EIF3J: variants seen among roughly 807,000 people sequenced by gnomAD.
EIF3J encodes the protein eukaryotic translation initiation factor 3, subunit 1 (alpha, 35kD).
A neutral mutation model predicts 39.0 loss-of-function variants in EIF3J; 15 were observed. That is an observed-to-expected ratio of 0.38 (90% CI 0.26 to 0.59). The LOEUF (loss-of-function observed/expected upper bound fraction) is 0.59. EIF3J is among the 20% of genes least tolerant of loss of function. The pLI is 0.60. For missense variants in EIF3J, 226 were observed against 308.6 expected (o/e 0.73, Z 2.00); for synonymous variants, 98 against 112.9 (o/e 0.87, Z 0.84).
At chr15:44,548,298 C>G (rs901629770) in intron 2 of EIF3J, among the ~76,000 whole-genome samples, 3 of 152,058 alleles carry the variant, frequency 2.0e-5, no homozygotes, top group African/African-American at 7.2e-5. Flanking sequence ...ACCTGTAATC[C>G]CAGCTACTCC....
At chr15:44,544,703 T>TAAAAA (rs34101594) in intron 2 of EIF3J, among the ~76,000 whole-genome samples, 1 of 85,428 alleles carries the variant, frequency 1.2e-5, no homozygotes, top group African/African-American at 5.0e-5. Flanking sequence ...AAACTCCATT[T>TAAAAA]AAAAAAAAAA....
At chr15:44,551,124 A>T (rs1476346672) in intron 3 of EIF3J, among the ~76,000 whole-genome samples, 194 bp downstream of exon 3, 1 of 152,204 alleles carries the variant, frequency 6.6e-6, no homozygotes, top group African/African-American at 2.4e-5. Flanking sequence ...CAGATTAGAT[A>T]CTTGCTGTAT....
In EIF3J at chr15:44,554,127, AAC is replaced by A. The variant is rs1347333179; in HGVS notation, c.295-423_295-422del. On this transcript the variant is annotated intron_variant, in intron 4 of 7. Transcript: ENST00000261868. Reference sequence around the variant, plus strand: ...CGCAGTGGCTCACACCTGTAATCCCAACACTTTGGGAGGCTGAGATGGGCGGA... The same window carrying A: ...CGCAGTGGCTCACACCTGTAATCCCAACTTTGGGAGGCTGAGATGGGCGGA... Among the ~76,000 whole-genome samples, 4 of 152,134 alleles carry A rather than the reference AAC, an allele frequency of 2.6e-5. No homozygotes were observed. In the East Asian group the frequency reaches 7.7e-4, roughly 29 times the overall value.
At chr15:44,554,449 T>C (rs969784835) in intron 4 of EIF3J, 104 bp from the exon 5 acceptor site, 16 of 499,118 alleles carry the variant, frequency 3.2e-5, no homozygotes, top group Non-Finnish European at 5.6e-5. Context: ...AGTGTTCACT[T>C]TTATTTGTTA....
chr15:44,553,493 A>G (rs1003198000), intron 4 of EIF3J, among the ~76,000 whole-genome samples: 1 of 149,238 alleles, frequency 6.7e-6, no homozygotes, highest in African/African-American at 2.4e-5. Flanking sequence ...CTCCATCTCA[A>G]AAAAAAAAAA....
At chr15:44,554,340 G>A (rs2082125907) in intron 4 of EIF3J, among the ~76,000 whole-genome samples, 1 of 142,234 alleles carries the variant, frequency 7.0e-6, no homozygotes, top group Non-Finnish European at 1.5e-5. Flanking sequence ...TCATGCCACT[G>A]TGCTCCAGCC....
intron 2 of EIF3J, 138 bp downstream of exon 2, chr15:44,537,565 C>T (rs989394982): frequency 1.2e-5 from 11 of 895,516 alleles, no homozygotes; most frequent in South Asian, 2.2e-5. Context: ...TGCTCTCTTC[C>T]CCTCCGCTTG....
At chr15:44,553,481 G>T (rs2082118166) in intron 4 of EIF3J, among the ~76,000 whole-genome samples, 1 of 149,814 alleles carries the variant, frequency 6.7e-6, no homozygotes, top group South Asian at 2.1e-4. Context: ...GACAGAGCGA[G>T]ACTCCATCTC....
chr15:44,552,099 G>A (rs1445771847), intron 4 of EIF3J, among the ~76,000 whole-genome samples: 1 of 152,030 alleles, frequency 6.6e-6, no homozygotes, highest in Non-Finnish European at 1.5e-5. Flanking sequence ...GGGATTACAG[G>A]TGTGAGCCAC....
chr15:44,539,314 C>A (rs1334407180), intron 2 of EIF3J, among the ~76,000 whole-genome samples: 1 of 152,032 alleles, frequency 6.6e-6, no homozygotes, highest in Non-Finnish European at 1.5e-5. Flanking sequence ...GCGTGAGCTA[C>A]CGTACCCAGC....
At chr15:44,554,696 T>A in intron 5 of EIF3J, 29 bp downstream of exon 5, 1 of 1,458,734 alleles carries the variant, frequency 6.9e-7, no homozygotes, top group Non-Finnish European at 9.5e-7. Flanking sequence ...TGCAATACAG[T>A]ATTAAACTGT....
chr15:44,547,691 G>A (rs962942875), intron 2 of EIF3J, among the ~76,000 whole-genome samples: 3 of 151,616 alleles, frequency 2.0e-5, no homozygotes, highest in East Asian at 2.0e-4. Context: ...CTCGTGATCC[G>A]CCCACCTCAG....
intron 2 of EIF3J, among the ~76,000 whole-genome samples, chr15:44,538,787 A>G (rs1039122750): frequency 6.6e-6 from 1 of 152,196 alleles, no homozygotes; most frequent in Non-Finnish European, 1.5e-5. Flanking sequence ...GCAGATTTTC[A>G]GTTTTGAGCC....
chr15:44,549,764 C>CCAA (rs1555444692), intron 2 of EIF3J, among the ~76,000 whole-genome samples: 1 of 11,470 alleles, frequency 8.7e-5, no homozygotes, highest in Non-Finnish European at 2.1e-4. Flanking sequence ...GACTCCGTCT[C>CCAA]AAAAAAAAAA....
chr15:44,538,629 G>T (rs2081981655), intron 2 of EIF3J, among the ~76,000 whole-genome samples: 1 of 152,222 alleles, frequency 6.6e-6, no homozygotes, highest in South Asian at 2.1e-4. Flanking sequence ...GTTCAAGAAT[G>T]TTGTGAGCTT....
At chr15:44,559,970 C>T (rs1010511725) in intron 6 of EIF3J, among the ~76,000 whole-genome samples, 11 of 152,206 alleles carry the variant, frequency 7.2e-5, no homozygotes, top group African/African-American at 1.9e-4. Context: ...AAGCTGGTCT[C>T]GAATTCCTGG....
Position 44,537,252 on chromosome 15 carries a change from C to G in EIF3J, c.43+15C>G. On this transcript the variant is annotated intron_variant, in intron 1 of 7. Coordinates refer to ENST00000261868, the MANE Select transcript of EIF3J (RefSeq NM_003758.4). ...GGACTCCTGGGGTGAGGAGAAGTTG[C>G]TGGGGCAGGGCCCGGGCCGGCGCCG... 2 of 1,583,534 alleles carry G rather than the reference C, an allele frequency of 1.3e-6. No homozygotes were observed. Among genetic ancestry groups the G allele is most frequent in the Non-Finnish European group, 1.7e-6 (2 of 1,165,638 alleles).
At chr15:44,546,602 C>T (rs1595800791) in intron 2 of EIF3J, among the ~76,000 whole-genome samples, 1 of 152,084 alleles carries the variant, frequency 6.6e-6, no homozygotes, top group South Asian at 2.1e-4. Flanking sequence ...TCTTGCCACT[C>T]AGCTTCAAAT....
chr15:44,555,756 TTG>T (rs1478087894), intron 5 of EIF3J, among the ~76,000 whole-genome samples: 1 of 152,258 alleles, frequency 6.6e-6, no homozygotes, highest in African/African-American at 2.4e-5. Flanking sequence ...GATTTTACTG[TTG>T]TGTTTCTCAT....
Sources: gnomAD v4.1 joint callset for allele counts (sites outside exome capture counted in the v4.1 genomes callset) on GRCh38, gnomAD v4.1.1 for gene constraint, MANE v1.5 for transcripts, NCBI Gene and HGNC (gene_info 2026-07-23, HGNC 2026-07-21) for gene names.